Variants in SBF2 observed in about 807,000 individuals in gnomAD.
SBF2 encodes SET binding factor 2, also known as myotubularin-related protein 13.
A neutral mutation model predicts 225.2 loss-of-function variants in SBF2; 112 were observed. That is an observed-to-expected ratio of 0.50 (90% confidence interval 0.43 to 0.58). The LOEUF is 0.58. Ranked by LOEUF, SBF2 falls within the 20% of genes least tolerant of loss-of-function variation. The pLI, the probability that SBF2 is intolerant of heterozygous loss-of-function variation, is 0.00. For synonymous variants in SBF2, 763 were observed against 773.3 expected (o/e 0.99, Z 0.22); for missense variants, 1,996 against 2,206.2 (o/e 0.90, Z 1.91).
intron 29 of SBF2, among the ~76,000 whole-genome samples, chr11:9,815,500 AC>A (rs1854411337): frequency 6.6e-6 from 1 of 151,924 alleles, no homozygotes; most frequent in Non-Finnish European, 1.5e-5. Flanking sequence ...GGAAGGGCAG[AC>A]AGAAAGAAAA....
rs1960219505 is a variant in SBF2, at chr11:10,250,287, T to C, written c.55+43728A>G. ...TAAACTACCTATGATAACCCATTAG[T>C]TATCTGCGCTATGCACCTAAATTGT... On this transcript the variant is annotated intron_variant, in intron 1 of 39. Coordinates refer to ENST00000256190, the MANE Select transcript of SBF2 (RefSeq NM_030962.4). 1.3e-5 allele frequency among the ~76,000 whole-genome samples: 2 copies of C among 152,174 alleles called. 1 individual carries two copies. The highest frequency in any genetic ancestry group is 1.3e-4 in the Admixed American group (2 of 15,282).
At chr11:9,885,596 C>A (rs1160770735) in intron 17 of SBF2, among the ~76,000 whole-genome samples, 1 of 151,940 alleles carries the variant, frequency 6.6e-6, no homozygotes, top group Non-Finnish European at 1.5e-5. Flanking sequence ...CTTGCTAGTT[C>A]CTTTTTTGGT....
At chr11:10,190,278 C>T (rs1439078887) in intron 2 of SBF2, among the ~76,000 whole-genome samples, 3 of 152,068 alleles carry the variant, frequency 2.0e-5, no homozygotes, top group African/African-American at 7.2e-5. Context: ...GATTGTTAAC[C>T]ATAGAATGCC....
intron 2 of SBF2, among the ~76,000 whole-genome samples, chr11:10,061,249 C>T (rs1950432844): frequency 6.6e-6 from 1 of 152,078 alleles, no homozygotes; most frequent in African/African-American, 2.4e-5. Flanking sequence ...CCACATTATA[C>T]AGAATGGTCA....
At chr11:10,218,695 G>A (rs1410873444) in intron 1 of SBF2, among the ~76,000 whole-genome samples, 3 of 152,140 alleles carry the variant, frequency 2.0e-5, no homozygotes, top group Non-Finnish European at 1.5e-5. Context: ...AGATACAACG[G>A]AGGTACAGGC....
chr11:9,854,948 G>A (rs926402720), intron 19 of SBF2, among the ~76,000 whole-genome samples: 3 of 152,064 alleles, frequency 2.0e-5, no homozygotes, highest in African/African-American at 7.2e-5. Context: ...GAAGATGAAC[G>A]TCACTGGCAA....
rs543034190 is a variant in SBF2, at chr11:9,936,944, G to A, written c.1860+25013C>T. On this transcript the variant is annotated intron_variant, in intron 16 of 39. Transcript: ENST00000256190. Reference sequence around the variant, plus strand: ...GGATTAACTCAGTTAAGAAAGAGTGGCATTAATCACTGTCAATGACCTAAT... The same window carrying A: ...GGATTAACTCAGTTAAGAAAGAGTGACATTAATCACTGTCAATGACCTAAT... Among the ~76,000 whole-genome samples, 3 of 152,098 alleles carry A rather than the reference G, an allele frequency of 2.0e-5. No homozygotes were observed. In the East Asian group the frequency reaches 5.8e-4, roughly 29 times the overall value.
chr11:10,298,375 G>A (rs1384194116), upstream of SBF2, among the ~76,000 whole-genome samples: 1 of 152,144 alleles, frequency 6.6e-6, no homozygotes, highest in East Asian at 1.9e-4. Context: ...TGGGCAACAA[G>A]AGTGAAACTC....
At chr11:10,178,443 A>T (rs1443073218) in intron 2 of SBF2, among the ~76,000 whole-genome samples, 3 of 143,622 alleles carry the variant, frequency 2.1e-5, no homozygotes, top group Non-Finnish European at 4.6e-5. Flanking sequence ...CAACCTACTC[A>T]TCTGACAAAG....
chr11:10,113,855 T>C (rs1245089706), intron 2 of SBF2, among the ~76,000 whole-genome samples: 4 of 152,004 alleles, frequency 2.6e-5, no homozygotes, highest in Non-Finnish European at 5.9e-5. Flanking sequence ...TTCCTTAAGA[T>C]TTTCTATTTG....
intron 33 of SBF2, among the ~76,000 whole-genome samples, chr11:9,792,881 C>T (rs1476136715): frequency 6.6e-6 from 1 of 151,170 alleles, no homozygotes; most frequent in Non-Finnish European, 1.5e-5. Context: ...GCCTCCTGAA[C>T]AGCTGCAACT....
chr11:9,941,112 C>T (rs1043224893), intron 16 of SBF2, among the ~76,000 whole-genome samples: 13 of 152,062 alleles, frequency 8.5e-5, no homozygotes, highest in Admixed American at 6.6e-4. Flanking sequence ...GAGTTCAAAA[C>T]CAGCCTGAGC....
At chr11:9,823,867 C>A (rs566662225) in intron 28 of SBF2, among the ~76,000 whole-genome samples, 2 of 152,276 alleles carry the variant, frequency 1.3e-5, no homozygotes, top group Non-Finnish European at 2.9e-5. Flanking sequence ...ATCACTGGGA[C>A]TTCACAAGGT....
intron 1 of SBF2, among the ~76,000 whole-genome samples, chr11:10,201,176 T>C (rs577384001): frequency 1.3e-5 from 2 of 152,354 alleles, no homozygotes; most frequent in African/African-American, 4.8e-5. Context: ...CTCATTTTAA[T>C]AGAATAGAAG....
intron 2 of SBF2, among the ~76,000 whole-genome samples, chr11:10,062,343 G>A (rs1486392213): frequency 6.6e-6 from 1 of 152,086 alleles, no homozygotes; most frequent in African/African-American, 2.4e-5. Flanking sequence ...GACAAATGGG[G>A]TCTAATTTAA....
intron 2 of SBF2, among the ~76,000 whole-genome samples, chr11:10,068,127 C>A (rs1258389819): frequency 6.6e-6 from 1 of 152,230 alleles, no homozygotes; most frequent in Admixed American, 6.5e-5. Flanking sequence ...AATTGGATTA[C>A]CTGATCTATT....
intron 2 of SBF2, among the ~76,000 whole-genome samples, chr11:10,128,419 T>A (rs1465590577): frequency 6.6e-6 from 1 of 152,212 alleles, no homozygotes; most frequent in Non-Finnish European, 1.5e-5. Flanking sequence ...TTACTAACAA[T>A]AACACCTCTT....
intron 2 of SBF2, among the ~76,000 whole-genome samples, chr11:10,083,492 TATA>T (rs1168938755): frequency 6.6e-6 from 1 of 152,078 alleles, no homozygotes; most frequent in East Asian, 1.9e-4. Context: ...TACACAAGGC[TATA>T]ATAACCAAAA....
At chr11:10,100,801 G>A (rs1952264595) in intron 2 of SBF2, among the ~76,000 whole-genome samples, 1 of 151,820 alleles carries the variant, frequency 6.6e-6, no homozygotes, top group African/African-American at 2.4e-5. Context: ...CAGGGGTCTT[G>A]GTTTTCCTGT....
Sources: allele counts gnomAD v4.1 joint callset (sites outside exome capture counted in the v4.1 genomes callset), GRCh38; gene constraint gnomAD v4.1.1; transcripts MANE v1.5; gene names NCBI Gene and HGNC (gene_info 2026-07-23, HGNC 2026-07-21).